The following MYH16 variants were observed in gnomAD, a reference collection of about 807,000 sequenced individuals.
The protein encoded by MYH16 is myosin heavy chain 16, also known as putative uncharacterized protein MYH16.
At chr7:99,293,889 T>C in intron 32 of MYH16, 129 bp from the exon 14 acceptor site, 1 of 331,742 alleles carries the variant, frequency 3.0e-6, no homozygotes, top group South Asian at 2.3e-5. Flanking sequence ...CTGTAAACAC[T>C]CTGCATCGTT....
exon 10 of MYH16, chr7:99,257,314 G>C (rs1468464915): frequency 6.4e-6 from 1 of 156,976 alleles, no homozygotes. Context: ...AGCCTTTGAC[G>C]TACTGGGCTT....
At chr7:99,247,110 A>G (rs1375030841) in intron 2 of MYH16, among the ~76,000 whole-genome samples, 1 of 152,216 alleles carries the variant, frequency 6.6e-6, no homozygotes, top group Admixed American at 6.5e-5. Context: ...GAGAAGCCTC[A>G]TTTAGCTTAA....
At chr7:99,296,632 G>C (rs910473522) in intron 33 of MYH16, 69 bp from the exon 15 acceptor site, 5 of 439,474 alleles carry the variant, frequency 1.1e-5, no homozygotes, top group South Asian at 3.2e-5. Context: ...AGAGGTTGGT[G>C]GGGGGGTGGG....
At chr7:99,254,765 C>T (rs1324785470) in intron 8 of MYH16, among the ~76,000 whole-genome samples, 1 of 152,228 alleles carries the variant, frequency 6.6e-6, no homozygotes, top group African/African-American at 2.4e-5. Context: ...TCCCCACCCA[C>T]AGGTGGGCTT....
At chr7:99,289,432 A>G (rs1486215251) in intron 30 of MYH16, 28 bp downstream of exon 11, 1 of 374,370 alleles carries the variant, frequency 2.7e-6, no homozygotes, top group Non-Finnish European at 5.4e-6. Context: ...TGAGCTTGCT[A>G]AGGAGCAGTG....
chr7:99,247,503 T>C (rs934231112), intron 2 of MYH16: 2 of 152,806 alleles, frequency 1.3e-5, no homozygotes, highest in East Asian at 3.9e-4. Flanking sequence ...CAGCTTGCTC[T>C]ATGATAAGCT....
chr7:99,288,226 G>T, intron 29 of MYH16, 89 bp downstream of exon 10: 1 of 423,300 alleles, frequency 2.4e-6, no homozygotes, highest in Non-Finnish European at 4.8e-6. Flanking sequence ...TTGCTTTTGA[G>T]AGGCCAGGAG....
At chr7:99,293,526 G>C (rs1313364991) in intron 32 of MYH16, among the ~76,000 whole-genome samples, 1 of 152,048 alleles carries the variant, frequency 6.6e-6, no homozygotes, top group Non-Finnish European at 1.5e-5. Context: ...GCTTGTCTCT[G>C]CCCCAGACAC....
intron 20 of MYH16, among the ~76,000 whole-genome samples, chr7:99,274,669 C>CTTTTT (rs745470963): frequency 4.3e-5 from 5 of 117,560 alleles, no homozygotes; most frequent in African/African-American, 7.9e-5. Context: ...CATTAATTCA[C>CTTTTT]TTTTTTTTTT....
intron 32 of MYH16, among the ~76,000 whole-genome samples, chr7:99,293,145 A>T (rs536240448): frequency 6.6e-6 from 1 of 152,278 alleles, no homozygotes; most frequent in East Asian, 1.9e-4. Flanking sequence ...TGACAAGTTA[A>T]ATCAAAGAAC....
At chr7:99,241,953 T>C (rs990328294) in intron 1 of MYH16, among the ~76,000 whole-genome samples, 1 of 151,108 alleles carries the variant, frequency 6.6e-6, no homozygotes, top group Non-Finnish European at 1.5e-5. Flanking sequence ...CCCCGCCCCC[T>C]GGGTTCAAGT....
rs370198231 is a variant in MYH16 at position 99,294,695 on chromosome 7, AGCTGGGATTACAGT to A, written n.4282+548_4282+561del. Reference sequence around the variant, plus strand: ...ATTCTCATTCCTCAGCCTCCTGAGAAGCTGGGATTACAGTGCCCACCACCACGCCCAGCTAATTT... The same window carrying A: ...ATTCTCATTCCTCAGCCTCCTGAGAAGCCCACCACCACGCCCAGCTAATTT... On this transcript the variant is annotated intron_variant and non_coding_transcript_variant, in intron 33 of 41. Transcript: ENST00000439784. 9.9e-4 allele frequency among the ~76,000 whole-genome samples: 149 copies of A among 151,142 alleles called. 3 individuals are homozygous for A. In the South Asian group the frequency reaches 0.031, roughly 31 times the overall value.
chr7:99,294,037 C>A, exon 33 of MYH16: 1 of 454,710 alleles, frequency 2.2e-6, no homozygotes, highest in Non-Finnish European at 4.4e-6. Flanking sequence ...GGCCGCCAGG[C>A]TTCAGGAGGC....
At position 99,294,168 on chromosome 7, in the gene MYH16, T is replaced by C. The variant is rs992653516; in HGVS notation, n.4282+18T>C. 5 of 451,386 alleles carry C rather than the reference T, an allele frequency of 1.1e-5. No homozygotes were observed. The highest frequency in any genetic ancestry group is 2.2e-5 in the Non-Finnish European group (5 of 224,874). The allele number at this position is 451,386 out of a possible 1,614,324, so 28.0% of individuals were successfully genotyped here. On this transcript the variant is annotated intron_variant and non_coding_transcript_variant, in intron 33 of 41. Transcript: ENST00000439784. Reference sequence around the variant, plus strand: ...TGGAGAAGGTCAGAGAGTCAAATGCTCAAAGCTGCCTATTTACCGGGGCAG... The same window carrying C: ...TGGAGAAGGTCAGAGAGTCAAATGCCCAAAGCTGCCTATTTACCGGGGCAG...
At chr7:99,304,111 C>T (rs1192323001) in intron 39 of MYH16, among the ~76,000 whole-genome samples, 2 of 152,188 alleles carry the variant, frequency 1.3e-5, no homozygotes, top group Admixed American at 1.3e-4. Flanking sequence ...GCTGGTCTTA[C>T]TTGTTGCTAC....
At chr7:99,272,537 G>C (rs543090452) in intron 19 of MYH16, among the ~76,000 whole-genome samples, 30 of 152,058 alleles carry the variant, frequency 2.0e-4, no homozygotes, top group African/African-American at 6.5e-4. Context: ...AGGAGTTTGA[G>C]ACCAGCCTGG....
At chr7:99,287,136 C>A (rs1307359733) in intron 28 of MYH16, among the ~76,000 whole-genome samples, 1 of 152,178 alleles carries the variant, frequency 6.6e-6, no homozygotes, top group African/African-American at 2.4e-5. Context: ...GGTGAACAGG[C>A]TCCTGAATGG....
intron 8 of MYH16, among the ~76,000 whole-genome samples, chr7:99,254,511 C>T (rs1286627692): frequency 2.0e-5 from 3 of 152,222 alleles, no homozygotes; most frequent in Non-Finnish European, 2.9e-5. Context: ...CCATGATCAG[C>T]TCTGCCAGTG....
intron 36 of MYH16, among the ~76,000 whole-genome samples, chr7:99,298,234 T>G (rs1428080153): frequency 6.6e-6 from 1 of 151,722 alleles, no homozygotes; most frequent in East Asian, 1.9e-4. Context: ...GGGTTCTTTT[T>G]GGTTTTTTTT....
Sources: gnomAD v4.1 joint callset for allele counts (sites outside exome capture counted in the v4.1 genomes callset) on GRCh38, gnomAD v4.1.1 for gene constraint, MANE v1.5 for transcripts, NCBI Gene and HGNC (gene_info 2026-07-23, HGNC 2026-07-21) for gene names.